Variants in MTMR11 observed in about 807,000 individuals in gnomAD.
The protein encoded by MTMR11 is myotubularin-related protein 11.
A neutral mutation model predicts 100.0 loss-of-function variants in MTMR11; 89 were observed. That is an observed-to-expected ratio of 0.89 (90% CI 0.75 to 1.06). The LOEUF is 1.06. MTMR11 is among the 50% of genes least tolerant of loss of function. The pLI is 0.00. For missense variants in MTMR11, 809 were observed against 873.7 expected, an observed-to-expected ratio of 0.93 and a Z score of 0.93; for synonymous variants, 336 against 326.3, an observed-to-expected ratio of 1.03 and a Z score of -0.32.
rs1553767858 is a variant in MTMR11, at chr1:149,932,323, A to C, written c.993T>G (p.Ser331=). 1 of 1,613,538 alleles carries C rather than the reference A, an allele frequency of 6.2e-7. No individual in the cohort carries two copies. The highest frequency in any genetic ancestry group is 1.3e-5 in the African/African-American group (1 of 75,050). Residue 331 remains serine, a synonymous_variant, in exon 11 of 17, where the codon TCT becomes TCG. Transcript: ENST00000439741. The part of the protein sequence containing the change: ...RLRALCLPDS[S]VAEDKWLSAL... ...CTGAAAGCCATTTATCCTCAGCTAC[A>C]GATGAATCTGATAGAGGGTAGAAAG...
rs782283078 is a variant in MTMR11, at chr1:149,931,411, T to C, written c.1139A>G (p.Asp380Gly). ...GAGTGAAGAGAGGAGGCCATTGAGA[T>C]CACGATCACCGCGCTCTGGGTGATA... The part of the protein sequence containing the change: ...SVILQERGDR[D>G]LNGLLSSLVQ... The change falls in exon 13 of 17, where the codon GAT becomes GGT. Residue 380 changes from aspartate to glycine, a missense_variant. Asp to Gly is a moderately conservative substitution (Grantham distance 94). Coordinates refer to ENST00000439741, the MANE Select transcript of MTMR11 (RefSeq NM_001145862.2). 2.2e-5 allele frequency: 36 copies of C among 1,605,152 alleles called. No homozygotes were observed. Among genetic ancestry groups the C allele is most frequent in the Non-Finnish European group, 3.0e-5 (35 of 1,175,990 alleles).
At chr1:149,930,718 C>T in intron 14 of MTMR11, 74 bp downstream of exon 14, 1 of 1,469,062 alleles carries the variant, frequency 6.8e-7, no homozygotes, top group East Asian at 2.3e-5. Flanking sequence ...TCTCATAAAA[C>T]AAATCAAGAC....
At chr1:149,932,184 A>G in intron 11 of MTMR11, 80 bp downstream of exon 11, 3 of 1,478,080 alleles carry the variant, frequency 2.0e-6, no homozygotes. Flanking sequence ...AACTAAAGAA[A>G]GGCCATTTAG....
chr1:149,934,247 C>T lies in MTMR11; in HGVS notation c.627G>A (p.Gln209=). 1.2e-6 allele frequency: 2 copies of T among 1,614,182 alleles called. No individual in the cohort carries two copies. Among genetic ancestry groups the T allele is most frequent in the Non-Finnish European group, 1.7e-6 (2 of 1,180,028 alleles). The change falls in exon 7 of 17, where the codon CAG becomes CAA. Residue 209 remains glutamine (Q), a synonymous_variant. Coordinates refer to ENST00000439741, the MANE Select transcript of MTMR11 (RefSeq NM_001145862.2). ...TGCTGACCCTCCAGCCTCTGGCTGC[C>T]TGCTTCTTCCGCTCAGTCTCCCAGT... is the stretch of plus-strand genomic sequence containing the variant. ...AEDWETERKK[Q]AARGWRVSTV...
At chr1:149,933,816 C>G in intron 8 of MTMR11, 39 bp downstream of exon 8, 1 of 1,609,578 alleles carries the variant, frequency 6.2e-7, no homozygotes, top group Non-Finnish European at 8.5e-7. Flanking sequence ...CCCACATGAC[C>G]CTCTAATCCA....
chr1:149,929,252 T>C lies in MTMR11; in HGVS notation c.2007A>G (p.Leu669=). 6.2e-7 allele frequency: 1 copy of C among 1,614,114 alleles called. No homozygotes were observed. Among genetic ancestry groups the C allele is most frequent in the African/African-American group, 1.3e-5 (1 of 75,014 alleles). ...GAGATATTCTTGGTGTCCATTTCCGTAATAACTCCTGAAGATGGGATAGCT... is the reference window on the plus strand; with the variant it reads ...GAGATATTCTTGGTGTCCATTTCCGCAATAACTCCTGAAGATGGGATAGCT... ...QDELSHLQEL[L]RKWTPRISPE... Residue 669 remains leucine, a synonymous_variant, in exon 17 of 17, where the codon TTA becomes TTG. Transcript: ENST00000439741.
At chr1:149,930,671 A>G in intron 14 of MTMR11, 121 bp downstream of exon 14, 1 of 1,362,280 alleles carries the variant, frequency 7.3e-7, no homozygotes, top group Non-Finnish European at 1.0e-6. Flanking sequence ...CCTGAAAATG[A>G]GAATAAATCT....
chr1:149,931,031 A>C, intron 13 of MTMR11, 66 bp from the exon 14 acceptor site: 1 of 1,468,100 alleles, frequency 6.8e-7, no homozygotes, highest in Non-Finnish European at 9.1e-7. Context: ...ACGAGATGAT[A>C]AGGGAATGGG....
Position 149,931,386 on chromosome 1 carries a change from G to C in MTMR11, c.1164C>G (p.Leu388=), listed in dbSNP as rs587627889. The change falls in exon 13 of 17, where the codon CTC becomes CTG. Residue 388 remains leucine, a synonymous_variant. Transcript: ENST00000439741. ...CTTCGGGGGCTGAAAGCAGCTGGAC[G>C]AGTGAAGAGAGGAGGCCATTGAGAT... ...DRDLNGLLSS[L]VQLLSAPEAR... 5 of 1,612,830 alleles carry C rather than the reference G, an allele frequency of 3.1e-6. No homozygotes were observed. Among genetic ancestry groups the C allele is most frequent in the East Asian group, 4.5e-5 (2 of 44,832 alleles).
chr1:149,934,591 G>C (rs1324570070), intron 5 of MTMR11, 65 bp from the exon 6 acceptor site: 1 of 1,498,562 alleles, frequency 6.7e-7, no homozygotes, highest in Non-Finnish European at 9.3e-7. Context: ...AGGAAATGGA[G>C]CCCATGTGTT....
chr1:149,932,088 G>A (rs2092667572), intron 11 of MTMR11, 74 bp from the exon 12 acceptor site: 6 of 1,469,052 alleles, frequency 4.1e-6, no homozygotes, highest in Middle Eastern at 1.7e-4. Flanking sequence ...ATGGGTCATG[G>A]GATGGAATAA....
At chr1:149,936,343 G>A in intron 1 of MTMR11, 114 bp from the exon 2 acceptor site, 4 of 1,519,392 alleles carry the variant, frequency 2.6e-6, no homozygotes, top group Non-Finnish European at 3.5e-6. Flanking sequence ...ACTGAGATCA[G>A]TGTCTGTGGG....
At chr1:149,933,981 C>T (rs781800117) in intron 7 of MTMR11, 39 bp from the exon 8 acceptor site, 1 of 1,585,526 alleles carries the variant, frequency 6.3e-7, no homozygotes, top group Non-Finnish European at 8.7e-7. Flanking sequence ...GGCTCAGTGA[C>T]TTCATTATAA....
chr1:149,936,553 C>T (rs1553769301), intron 1 of MTMR11, 29 bp downstream of exon 1: 7 of 1,466,624 alleles, frequency 4.8e-6, no homozygotes, highest in Non-Finnish European at 6.5e-6. Flanking sequence ...CACCCTCTTG[C>T]CGACACCCCC....
intron 16 of MTMR11, 33 bp downstream of exon 16, chr1:149,929,590 T>C: frequency 6.3e-7 from 1 of 1,586,562 alleles, no homozygotes; most frequent in Non-Finnish European, 8.6e-7. Context: ...GTCAAGTCCC[T>C]TGTCCCACTC....
intron 7 of MTMR11, 63 bp from the exon 8 acceptor site, chr1:149,934,005 T>C (rs1044701838): frequency 6.4e-7 from 1 of 1,560,296 alleles, no homozygotes; most frequent in African/African-American, 1.4e-5. Context: ...AAAGCTCTTA[T>C]TACAAGGAAG....
rs782570687 is a variant in MTMR11, at chr1:149,933,900, A to G, written c.726T>C (p.Ser242=). ...YFWVPNRILD[S]EVRRAFGHFH... ...AGTGGCCAAATGCTCTCCTGACCTC[A>G]CTGTCCAGAATTCGGTTAGGGACCC... is the stretch of plus-strand genomic sequence containing the variant. Residue 242 remains serine, a synonymous_variant, in exon 8 of 17, where the codon AGT becomes AGC. Coordinates refer to ENST00000439741, the MANE Select transcript of MTMR11 (RefSeq NM_001145862.2). 11 of 1,614,182 alleles carry G rather than the reference A, an allele frequency of 6.8e-6. No homozygotes were observed. The highest frequency in any genetic ancestry group is 5.5e-5 in the South Asian group (5 of 91,084).
At chr1:149,929,534 C>T (rs1358767262) in intron 16 of MTMR11, 89 bp downstream of exon 16, 13 of 1,454,592 alleles carry the variant, frequency 8.9e-6, no homozygotes, top group Non-Finnish European at 1.1e-5. Flanking sequence ...CTCCCAGAGG[C>T]TTCAGCTCCT....
In MTMR11 at chr1:149,929,641, C is replaced by T. The variant is rs1553766934; in HGVS notation, c.1923G>A (p.Arg641=). The T allele has an allele frequency of 6.2e-7, 1 of 1,612,748 alleles. No individual in the cohort carries two copies. The highest frequency in any genetic ancestry group is 8.5e-7 in the Non-Finnish European group (1 of 1,179,632). ...TTCTTACCTGGACCTCAGGCCTTCC[C>T]CTCAGGTAGCAGCGTCTCCAGAGCC... ...QIRLWRRCYL[R]GRPEVQMGLS... Residue 641 remains arginine (R), a synonymous_variant, in exon 16 of 17, where the codon AGG becomes AGA. Coordinates refer to ENST00000439741, the MANE Select transcript of MTMR11 (RefSeq NM_001145862.2).
Sources: gnomAD v4.1 joint callset for allele counts on GRCh38, gnomAD v4.1.1 for gene constraint, MANE v1.5 for transcripts, NCBI Gene and HGNC (gene_info 2026-07-23, HGNC 2026-07-21) for gene names.